TMEM74: variants seen among roughly 807,000 people sequenced by gnomAD.
The protein encoded by TMEM74 is transmembrane protein 74.
Under a neutral mutation model 18.1 loss-of-function variants are expected in TMEM74, and 13 were observed. The observed-to-expected ratio is 0.72, with a 90% CI of 0.47 to 1.14. The LOEUF (loss-of-function observed/expected upper bound fraction) is 1.14. Ranked by LOEUF, TMEM74 falls within the 50% of genes most tolerant of loss-of-function variation. The pLI is 0.00. For missense variants in TMEM74, 372 were observed against 375.9 expected, an observed-to-expected ratio of 0.99 and a Z score of 0.09; for synonymous variants, 159 against 146.6, an observed-to-expected ratio of 1.08 and a Z score of -0.61.
At position 108,743,578 on chromosome 8, in the gene TMEM74, T is replaced by C. The variant is rs531412341; in HGVS notation, n.119+43898A>G. On this transcript the variant is annotated intron_variant and non_coding_transcript_variant, in intron 1 of 3. Coordinates refer to the TMEM74 transcript ENST00000518838. ...GCTTGAAAGGAGGTAAGAGGAAAAA[T>C]ATATAGCTTTCTTGTTTTTATAGCA... is the stretch of plus-strand genomic sequence containing the variant. Among the ~76,000 whole-genome samples, 3 of 152,166 alleles carry C rather than the reference T, an allele frequency of 2.0e-5. No homozygotes were observed. In the East Asian group the frequency reaches 5.8e-4, roughly 29 times the overall value.
chr8:108,698,711 C>A (rs1052965346), intron 1 of TMEM74, among the ~76,000 whole-genome samples: 1 of 152,148 alleles, frequency 6.6e-6, no homozygotes, highest in Non-Finnish European at 1.5e-5. Flanking sequence ...CCATTTCATA[C>A]CCTCTGTCAC....
chr8:108,678,440 C>T (rs992854887), intron 1 of TMEM74, among the ~76,000 whole-genome samples: 3 of 151,992 alleles, frequency 2.0e-5, no homozygotes, highest in African/African-American at 7.2e-5. Context: ...TCTCAGCTCA[C>T]TGCAACCTCT....
At chr8:108,769,414 C>T (rs1387634828) in intron 1 of TMEM74, among the ~76,000 whole-genome samples, 3 of 152,044 alleles carry the variant, frequency 2.0e-5, no homozygotes, top group South Asian at 4.1e-4. Flanking sequence ...GCGCACTTTT[C>T]CTTCTTAAGC....
exon 4 of TMEM74, chr8:108,607,296 A>C (rs2928830): frequency 6.6e-6 from 1 of 152,042 alleles, no homozygotes; most frequent in Non-Finnish European, 1.5e-5. Context: ...AATATAATCT[A>C]ACTAATCTGC....
At chr8:108,686,600 A>C (rs76719802) in intron 1 of TMEM74, among the ~76,000 whole-genome samples, 4,455 of 152,126 alleles carry the variant, frequency 0.029, 118 homozygotes, top group African/African-American at 0.066. Context: ...GTTTTGGAAG[A>C]TGATGTTGTC....
intron 1 of TMEM74, among the ~76,000 whole-genome samples, chr8:108,661,282 G>A (rs549246567): frequency 6.6e-6 from 1 of 151,368 alleles, no homozygotes; most frequent in African/African-American, 2.4e-5. Context: ...GCAGCTTTAT[G>A]CAGCCAAGAT....
chr8:108,710,706 T>C (rs1813466158), intron 1 of TMEM74, among the ~76,000 whole-genome samples: 1 of 152,162 alleles, frequency 6.6e-6, no homozygotes, highest in Non-Finnish European at 1.5e-5. Flanking sequence ...TCTCTTGCCG[T>C]CAGGGTCAGC....
At chr8:108,778,134 C>T (rs997579642), downstream of TMEM74, among the ~76,000 whole-genome samples, 46 of 152,024 alleles carry the variant, frequency 3.0e-4, no homozygotes, top group African/African-American at 9.4e-4. Flanking sequence ...TTGATACATA[C>T]TCTGCTTGAA....
intron 2 of TMEM74, among the ~76,000 whole-genome samples, chr8:108,610,435 TTCTAGTTGGAGGG>T (rs1812323436): frequency 1.3e-5 from 2 of 152,214 alleles, no homozygotes; most frequent in Non-Finnish European, 2.9e-5. Flanking sequence ...GAATCTTACA[TTCTAGTTGGAGGG>T]TACAGTCAGT....
intron 1 of TMEM74, among the ~76,000 whole-genome samples, chr8:108,716,573 C>T (rs1389661024): frequency 2.0e-5 from 3 of 151,886 alleles, no homozygotes; most frequent in African/African-American, 7.2e-5. Context: ...GGAAAATTTA[C>T]AACTTTATGT....
At chr8:108,720,706 C>T (rs1028999192) in intron 1 of TMEM74, among the ~76,000 whole-genome samples, 5 of 151,924 alleles carry the variant, frequency 3.3e-5, no homozygotes, top group African/African-American at 1.2e-4. Flanking sequence ...ATGAGGAATA[C>T]TGCCCCCAAA....
chr8:108,658,071 CA>C (rs1812863586), intron 1 of TMEM74, among the ~76,000 whole-genome samples: 1 of 151,108 alleles, frequency 6.6e-6, no homozygotes, highest in Non-Finnish European at 1.5e-5. Context: ...TCGCAGAGAA[CA>C]AGCTGACCAG....
chr8:108,773,575 G>T (rs1814196599), intron 1 of TMEM74, among the ~76,000 whole-genome samples: 1 of 152,102 alleles, frequency 6.6e-6, no homozygotes, highest in Non-Finnish European at 1.5e-5. Flanking sequence ...TAATGTATAG[G>T]ATGAGGTGGA....
chr8:108,692,680 C>T (rs1813242552), intron 1 of TMEM74, among the ~76,000 whole-genome samples: 2 of 151,974 alleles, frequency 1.3e-5, no homozygotes, highest in African/African-American at 2.4e-5. Flanking sequence ...TTATAATTTG[C>T]CCCAGCCTGC....
chr8:108,621,823 C>G (rs1025271613), intron 2 of TMEM74, among the ~76,000 whole-genome samples: 3 of 152,092 alleles, frequency 2.0e-5, no homozygotes, highest in African/African-American at 7.2e-5. Context: ...AATAATAAAA[C>G]CTACCTCAAG....
chr8:108,701,247 C>T, intron 1 of TMEM74, among the ~76,000 whole-genome samples: 1 of 151,218 alleles, frequency 6.6e-6, no homozygotes, highest in Non-Finnish European at 1.5e-5. Flanking sequence ...GAGAATTTCT[C>T]CAACTTGATA....
chr8:108,682,698 T>A (rs1813127768), intron 1 of TMEM74, among the ~76,000 whole-genome samples: 2 of 152,030 alleles, frequency 1.3e-5, no homozygotes, highest in African/African-American at 4.8e-5. Flanking sequence ...AATTACCTTA[T>A]TTTCCTTAAT....
chr8:108,656,407 T>C (rs763141590), intron 1 of TMEM74, among the ~76,000 whole-genome samples: 19 of 152,196 alleles, frequency 1.2e-4, no homozygotes, highest in Admixed American at 3.9e-4. Context: ...TTTGCCCATC[T>C]CAATTGATTT....
intron 1 of TMEM74, among the ~76,000 whole-genome samples, chr8:108,755,805 T>C (rs1276566894): frequency 3.3e-5 from 5 of 152,070 alleles, no homozygotes; most frequent in Admixed American, 3.3e-4. Flanking sequence ...AGAGTAGACA[T>C]TGGATATTAA....
Sources: gnomAD v4.1 joint callset for allele counts (sites outside exome capture counted in the v4.1 genomes callset) on GRCh38, gnomAD v4.1.1 for gene constraint, MANE v1.5 for transcripts, NCBI Gene and HGNC (gene_info 2026-07-23, HGNC 2026-07-21) for gene names.